Variants in CBFA2T3 observed in about 807,000 individuals in gnomAD.
CBFA2T3 encodes transcriptional corepressor CBFA2T3.
Under a neutral mutation model 58.6 loss-of-function variants are expected in CBFA2T3, and 31 were observed. That is an observed-to-expected ratio of 0.53 (90% confidence interval 0.40 to 0.71). The LOEUF is 0.71. Ranked by LOEUF, CBFA2T3 falls within the 30% of genes least tolerant of loss-of-function variation. CBFA2T3 has a pLI of 0.00. For missense variants in CBFA2T3, 1,076 were observed against 963.1 expected, an observed-to-expected ratio of 1.12 and a Z score of -1.55; for synonymous variants, 531 against 421.9, an observed-to-expected ratio of 1.26 and a Z score of -3.17.
chr16:88,953,415 A>G lies in CBFA2T3; in HGVS notation c.151+23242T>C, dbSNP rs113859144. ...GGTGAGCTGGCCCTGCCCTGGAGAC[A>G]CTGTGTCCAGAGGCCAGCATAGCCC... On this transcript the variant is annotated intron_variant, in intron 1 of 11. Transcript: ENST00000268679. This position sits in a 1 kb window ranked among gnomAD's most constrained non-coding sequence, Gnocchi z 4.9. 0.018 allele frequency among the ~76,000 whole-genome samples: 2,649 copies of G among 143,590 alleles called. 76 individuals are homozygous for G. Among genetic ancestry groups the G allele is most frequent in the African/African-American group, 0.071 (2,523 of 35,536 alleles). 94.2% of individuals were successfully genotyped at this position (143,590 alleles called of 152,430 possible). A position where few individuals can be genotyped will look rare whatever the true frequency, so the allele number is the denominator to read the frequency against.
chr16:88,956,972 C>T (rs118161351), intron 1 of CBFA2T3, among the ~76,000 whole-genome samples: 1,548 of 142,568 alleles, frequency 0.011, 40 homozygotes, highest in Admixed American at 0.041. Flanking sequence ...GTGGCTCACC[C>T]GGAGACTGCG....
rs1309449169 is a variant in CBFA2T3 at position 88,876,822 on chromosome 16, G to A, written c.*154C>T. On this transcript the variant is annotated 3_prime_UTR_variant, in exon 12 of 12. Transcript: ENST00000268679. ...CTGTGTCTTCTTTCGGAGAGGGGCA[G>A]TAGCAGCAGTGACTAATTGGTCGGC... The A allele has an allele frequency of 1.8e-6, 1 of 559,912 alleles. No homozygotes were observed. The highest frequency in any genetic ancestry group is 3.0e-6 in the Non-Finnish European group (1 of 336,658). 34.7% of individuals were successfully genotyped at this position (559,912 alleles called of 1,614,324 possible).
chr16:88,943,854 G>A (rs1007181594), intron 1 of CBFA2T3, among the ~76,000 whole-genome samples: 1 of 152,200 alleles, frequency 6.6e-6, no homozygotes, highest in South Asian at 2.1e-4. Flanking sequence ...CTATGTGAAA[G>A]ATGTCTGCAG....
rs1342709429 is a variant in CBFA2T3, at chr16:88,875,513, T to C, written c.*1463A>G. 8.6e-6 allele frequency: 2 copies of C among 233,518 alleles called. No individual in the cohort carries two copies. Among genetic ancestry groups the C allele is most frequent in the African/African-American group, 4.4e-5 (2 of 45,246 alleles). The allele number at this position is 233,518 out of a possible 1,614,324, so 14.5% of individuals were successfully genotyped here. A position where few individuals can be genotyped will look rare whatever the true frequency, so the allele number is the denominator to read the frequency against. On this transcript the variant is annotated 3_prime_UTR_variant, in exon 12 of 12. Coordinates refer to ENST00000268679, the MANE Select transcript of CBFA2T3 (RefSeq NM_005187.6). ...CAGAGGGCTGCTTTTGTTTGTAGTT[T>C]TTTTGTTTTTTCTGCAAAAGTTTGG...
At chr16:88,907,729 C>T (rs1289288411) in intron 1 of CBFA2T3, among the ~76,000 whole-genome samples, 1 of 152,206 alleles carries the variant, frequency 6.6e-6, no homozygotes, top group Admixed American at 6.5e-5. Flanking sequence ...TGGGCCTCTG[C>T]CAAGTGTCCT....
chr16:88,896,257 T>C (rs1969882872), intron 3 of CBFA2T3, among the ~76,000 whole-genome samples: 1 of 152,180 alleles, frequency 6.6e-6, no homozygotes, highest in South Asian at 2.1e-4. Flanking sequence ...TCTCTGTTGC[T>C]GGGGCCGCGA....
At position 88,921,690 on chromosome 16, in the gene CBFA2T3, A is replaced by G. The variant is rs188635510; in HGVS notation, c.152-20034T>C. 4.6e-3 allele frequency among the ~76,000 whole-genome samples: 706 copies of G among 152,302 alleles called. 5 individuals carry two copies. Among genetic ancestry groups the G allele is most frequent in the Non-Finnish European group, 6.8e-3 (461 of 68,018 alleles). On this transcript the variant is annotated intron_variant, in intron 1 of 11. Coordinates refer to ENST00000268679, the MANE Select transcript of CBFA2T3 (RefSeq NM_005187.6). ...GTGGTAGGAGGATAAGAGTCACCCT[A>G]AACAGGACCCCTGGGAATTAGGATC...
intron 1 of CBFA2T3, among the ~76,000 whole-genome samples, chr16:88,917,982 A>G (rs143666378): frequency 6.6e-6 from 1 of 152,274 alleles, no homozygotes; most frequent in Non-Finnish European, 1.5e-5. Context: ...CAGCCCAGAC[A>G]GGACTTTAGA....
intron 10 of CBFA2T3, 26 bp from the exon 11 acceptor site, chr16:88,879,486 C>A (rs190199294): frequency 2.5e-6 from 4 of 1,593,732 alleles, no homozygotes; most frequent in South Asian, 1.1e-5. Context: ...GCAGGGCTGG[C>A]GGTCACATGG....
At chr16:88,921,598 G>A (rs1970922056) in intron 1 of CBFA2T3, among the ~76,000 whole-genome samples, 1 of 130,832 alleles carries the variant, frequency 7.6e-6, no homozygotes, top group African/African-American at 4.2e-5. Flanking sequence ...ATTTTGCTGG[G>A]GGAGGGAGGG....
At chr16:88,893,582 C>G (rs1969740250) in intron 3 of CBFA2T3, among the ~76,000 whole-genome samples, 2 of 152,206 alleles carry the variant, frequency 1.3e-5, no homozygotes, top group African/African-American at 4.8e-5. Flanking sequence ...GCTGGACACG[C>G]AGATGCCCGT....
At chr16:88,899,692 G>A (rs1970025776) in intron 2 of CBFA2T3, among the ~76,000 whole-genome samples, 1 of 152,222 alleles carries the variant, frequency 6.6e-6, no homozygotes, top group Non-Finnish European at 1.5e-5. Flanking sequence ...AGCAGGTGGG[G>A]GAGACGCACC....
intron 1 of CBFA2T3, among the ~76,000 whole-genome samples, chr16:88,949,940 G>A (rs1972006890): frequency 6.6e-6 from 1 of 152,078 alleles, no homozygotes; most frequent in Non-Finnish European, 1.5e-5. Context: ...AACCCGGGAG[G>A]CAGAGTTGCA....
intron 1 of CBFA2T3, among the ~76,000 whole-genome samples, chr16:88,971,330 G>C (rs906575069): frequency 3.9e-5 from 6 of 152,170 alleles, no homozygotes; most frequent in Admixed American, 3.3e-4. Flanking sequence ...GACTGGTCTC[G>C]GAATCCTGGC....
At chr16:88,943,360 C>T (rs973404631) in intron 1 of CBFA2T3, among the ~76,000 whole-genome samples, 14 of 152,320 alleles carry the variant, frequency 9.2e-5, no homozygotes, top group African/African-American at 3.4e-4. Context: ...GTTAAGTGAC[C>T]AGTTGCAACA....
intron 5 of CBFA2T3, among the ~76,000 whole-genome samples, chr16:88,887,849 C>T (rs917903706): frequency 6.6e-6 from 1 of 152,142 alleles, no homozygotes; most frequent in South Asian, 2.1e-4. Flanking sequence ...CACAGATGGG[C>T]GCTCAGGCTG....
intron 1 of CBFA2T3, among the ~76,000 whole-genome samples, chr16:88,916,827 G>C (rs1041039221): frequency 1.8e-4 from 27 of 152,302 alleles, no homozygotes; most frequent in African/African-American, 5.3e-4. Flanking sequence ...GGCCAACAGA[G>C]AGGAGGTCAG....
intron 3 of CBFA2T3, among the ~76,000 whole-genome samples, chr16:88,894,193 ATG>A (rs1969771002): frequency 6.7e-6 from 1 of 149,032 alleles, no homozygotes; most frequent in African/African-American, 2.5e-5. Flanking sequence ...ACATATACAC[ATG>A]CACACAATGT....
At chr16:88,878,493 C>T (rs756370578) in intron 11 of CBFA2T3, among the ~76,000 whole-genome samples, 5 of 152,224 alleles carry the variant, frequency 3.3e-5, no homozygotes, top group East Asian at 1.9e-4. Context: ...AGAAAAGGGT[C>T]GCGGAGGGTC....
Sources: allele counts gnomAD v4.1 joint callset (sites outside exome capture counted in the v4.1 genomes callset), GRCh38; gene constraint gnomAD v4.1.1; non-coding constraint Gnocchi (gnomAD v3.1); transcripts MANE v1.5; gene names NCBI Gene and HGNC (gene_info 2026-07-23, HGNC 2026-07-21).